GALNT18: variants seen among roughly 807,000 people sequenced by gnomAD.
The protein encoded by GALNT18 is polypeptide N-acetylgalactosaminyltransferase 18, also known as GalNAc-transferase 18.
Under a neutral mutation model 69.5 loss-of-function variants are expected in GALNT18, and 44 were observed. The ratio of observed to expected loss-of-function variants is 0.63; its 90% confidence interval spans 0.50 to 0.81. The LOEUF (loss-of-function observed/expected upper bound fraction) is 0.81, where lower values mean the gene tolerates loss of function less well. GALNT18 is among the 40% of genes least tolerant of loss of function. The pLI, the probability that GALNT18 is intolerant of heterozygous loss-of-function variation, is 0.00. For synonymous variants in GALNT18, 364 were observed against 318.2 expected (o/e 1.14, Z -1.53); for missense variants, 715 against 810.0 (o/e 0.88, Z 1.42).
intron 6 of GALNT18, among the ~76,000 whole-genome samples, chr11:11,370,296 A>G (rs989373081): frequency 1.3e-5 from 2 of 152,214 alleles, no homozygotes; most frequent in African/African-American, 4.8e-5. Flanking sequence ...GTATGGTGTA[A>G]TTAGGGCAAG....
At chr11:11,545,237 C>T (rs1858021292) in intron 1 of GALNT18, among the ~76,000 whole-genome samples, 1 of 152,250 alleles carries the variant, frequency 6.6e-6, no homozygotes, top group Non-Finnish European at 1.5e-5. Flanking sequence ...TCCAACATTC[C>T]ATGCTGCTTC....
chr11:11,536,738 C>T (rs1857781680), intron 1 of GALNT18, among the ~76,000 whole-genome samples: 1 of 152,194 alleles, frequency 6.6e-6, no homozygotes, highest in Non-Finnish European at 1.5e-5. Flanking sequence ...CTTACAGACT[C>T]TGCTAATTGC....
Position 11,448,735 on chromosome 11 carries a change from T to G in GALNT18, c.428+9A>C. On this transcript the variant is annotated intron_variant, in intron 2 of 10. Transcript: ENST00000227756. ...GGTCGACAAGGGCCCAGTCACTGAC[T>G]CTGCTCACCCACTGGGTCTGAGGTC... 6.2e-7 allele frequency: 1 copy of G among 1,604,948 alleles called. No homozygotes were observed. The highest frequency in any genetic ancestry group is 8.5e-7 in the Non-Finnish European group (1 of 1,175,050).
chr11:11,372,693 A>T lies in GALNT18; in HGVS notation c.978-64T>A, dbSNP rs1360747087. ...AGCTGTCCGAGGAGTAAGAGCAGTA[A>T]GGCCTTCCTATCAGGAGGGTCTGGT... On this transcript the variant is annotated intron_variant, in intron 5 of 10. Transcript: ENST00000227756. This position sits in a 1 kb window ranked among gnomAD's most constrained non-coding sequence, Gnocchi z 4.9. The T allele has an allele frequency of 1.6e-6, 2 of 1,248,502 alleles. No individual in the cohort carries two copies. Among genetic ancestry groups the T allele is most frequent in the Admixed American group, 3.5e-5 (2 of 57,232 alleles). 77.3% of individuals were successfully genotyped at this position (1,248,502 alleles called of 1,614,324 possible). A position where few individuals can be genotyped will look rare whatever the true frequency, so the allele number is the denominator to read the frequency against.
intron 6 of GALNT18, among the ~76,000 whole-genome samples, chr11:11,344,981 A>G (rs1177779949): frequency 6.6e-6 from 1 of 152,136 alleles, no homozygotes; most frequent in African/African-American, 2.4e-5. Flanking sequence ...TGTGCCTATT[A>G]TTATTTCATA....
intron 9 of GALNT18, among the ~76,000 whole-genome samples, chr11:11,303,245 T>A (rs1437536501): frequency 1.3e-5 from 2 of 152,002 alleles, no homozygotes; most frequent in African/African-American, 4.8e-5. Context: ...AAATAACACA[T>A]CCTTCTTGCT....
Position 11,347,443 on chromosome 11 carries a change from T to C in GALNT18, c.1093-6439A>G, listed in dbSNP as rs1330323247. On this transcript the variant is annotated intron_variant, in intron 6 of 10. Transcript: ENST00000227756. This position sits in a 1 kb window ranked among gnomAD's most constrained non-coding sequence, Gnocchi z 4.0. The stretch of plus-strand genomic sequence containing the variant: ...TTGTTAATATCCTTCTGAAGCACTG[T>C]GTTGGGAAGAATTCTGAGGCTCTGT... Among the ~76,000 whole-genome samples, 3 of 152,206 alleles carry C rather than the reference T, an allele frequency of 2.0e-5. No individual in the cohort carries two copies. Among genetic ancestry groups the C allele is most frequent in the Non-Finnish European group, 4.4e-5 (3 of 68,038 alleles).
At chr11:11,285,148 C>T (rs1849169583) in intron 10 of GALNT18, among the ~76,000 whole-genome samples, 1 of 151,964 alleles carries the variant, frequency 6.6e-6, no homozygotes, top group Non-Finnish European at 1.5e-5. Flanking sequence ...GCGACAGGCT[C>T]AGCAGGGAGG....
intron 2 of GALNT18, among the ~76,000 whole-genome samples, chr11:11,438,517 G>A (rs554996654): frequency 1.1e-4 from 16 of 152,198 alleles, no homozygotes; most frequent in African/African-American, 1.9e-4. Flanking sequence ...CTACAATTCC[G>A]TACGGTAAAC....
chr11:11,593,103 CG>C (rs915585664), intron 1 of GALNT18, among the ~76,000 whole-genome samples: 3 of 152,058 alleles, frequency 2.0e-5, no homozygotes, highest in African/African-American at 7.2e-5. Flanking sequence ...TTAGTGGAGA[CG>C]GGGTTTCACC....
chr11:11,273,658 A>T (rs565415383), intron 10 of GALNT18, among the ~76,000 whole-genome samples: 263 of 152,318 alleles, frequency 1.7e-3, no homozygotes, highest in Non-Finnish European at 3.0e-3. Flanking sequence ...ACTGAAAATA[A>T]AACTACTGTA....
intron 9 of GALNT18, 30 bp from the exon 10 acceptor site, chr11:11,293,223 A>G (rs752665485): frequency 1.5e-6 from 2 of 1,314,210 alleles, no homozygotes; most frequent in Non-Finnish European, 2.0e-6. Context: ...GAGAGTGTGG[A>G]TAAATGCCAA....
intron 1 of GALNT18, among the ~76,000 whole-genome samples, chr11:11,580,333 C>T (rs1177214083): frequency 6.6e-6 from 1 of 152,188 alleles, no homozygotes. Flanking sequence ...CCGCCACCCC[C>T]AAAGACTAGC....
At chr11:11,517,305 TAGAC>T (rs1044279727) in intron 1 of GALNT18, among the ~76,000 whole-genome samples, 2 of 152,220 alleles carry the variant, frequency 1.3e-5, no homozygotes, top group African/African-American at 4.8e-5. Flanking sequence ...CAAAGGCAAT[TAGAC>T]AGCTCAAGTG....
chr11:11,362,681 T>C (rs768304529), intron 6 of GALNT18, among the ~76,000 whole-genome samples: 1 of 152,174 alleles, frequency 6.6e-6, no homozygotes, highest in Non-Finnish European at 1.5e-5. Context: ...TTCCACAACA[T>C]ACTTTGTTGG....
chr11:11,383,816 CCTCTCT>C lies in GALNT18; in HGVS notation c.596-4558_596-4553del, dbSNP rs145122557. ...ATCTGATGGTTTAAGTGTGGCACTTCCTCTCTCTCTCTCTCTCTCTCTCTGTCTCTC... is the reference window on the plus strand; with the variant it reads ...ATCTGATGGTTTAAGTGTGGCACTTCCTCTCTCTCTCTCTCTCTGTCTCTC... On this transcript the variant is annotated intron_variant, in intron 3 of 10. Coordinates refer to ENST00000227756, the MANE Select transcript of GALNT18 (RefSeq NM_198516.3). The surrounding 1 kb of genome is among the most constrained non-coding windows in gnomAD (Gnocchi z 5.2). 0.03 allele frequency among the ~76,000 whole-genome samples: 4,380 copies of C among 147,798 alleles called. 153 individuals carry two copies. Among genetic ancestry groups the C allele is most frequent in the East Asian group, 0.18 (923 of 4,994 alleles).
intron 1 of GALNT18, among the ~76,000 whole-genome samples, chr11:11,490,236 C>CTCTA (rs1416641590): frequency 1.2e-4 from 6 of 50,208 alleles, no homozygotes; most frequent in African/African-American, 4.0e-4. Flanking sequence ...CTCTCTCTAA[C>CTCTA]ACACACACAC....
intron 3 of GALNT18, among the ~76,000 whole-genome samples, chr11:11,391,404 CCA>C (rs1417580917): frequency 9.2e-5 from 14 of 152,214 alleles, no homozygotes; most frequent in African/African-American, 3.4e-4. Context: ...GTGGTAGAGT[CCA>C]CATTCTAAGT....
At chr11:11,282,094 T>C (rs574251701) in intron 10 of GALNT18, among the ~76,000 whole-genome samples, 1 of 152,274 alleles carries the variant, frequency 6.6e-6, no homozygotes, top group South Asian at 2.1e-4. Flanking sequence ...TGCTTAAACT[T>C]TTAAAACAGA....
Sources: gnomAD v4.1 joint callset for allele counts (sites outside exome capture counted in the v4.1 genomes callset) on GRCh38, gnomAD v4.1.1 for gene constraint, Gnocchi (gnomAD v3.1) non-coding constraint, MANE v1.5 for transcripts, NCBI Gene and HGNC (gene_info 2026-07-23, HGNC 2026-07-21) for gene names.